The following CYFIP1 variants were observed in gnomAD, a reference collection of about 807,000 sequenced individuals.
CYFIP1 encodes the protein cytoplasmic FMR1 interacting protein 1, also known as cytoplasmic FMR1-interacting protein 1.
A neutral mutation model predicts 163.5 loss-of-function variants in CYFIP1; 58 were observed. That is an observed-to-expected ratio of 0.35 (90% CI 0.29 to 0.44). The LOEUF (loss-of-function observed/expected upper bound fraction) is 0.44. CYFIP1 is among the 20% of genes least tolerant of loss of function. The pLI, the probability that CYFIP1 is intolerant of heterozygous loss-of-function variation, is 1.00. For synonymous variants in CYFIP1, 663 were observed against 660.7 expected, an observed-to-expected ratio of 1.00 and a Z score of -0.05; for missense variants, 1,338 against 1,653.8, an observed-to-expected ratio of 0.81 and a Z score of 3.31.
At position 22,867,687 on chromosome 15, in the gene CYFIP1, A is replaced by AG. The variant is rs35420735; in HGVS notation, c.*2340_*2341insC. ...ATAGAAGACTAGGGTTGTTTCTTAA[A>AG]TTTAGCTCATGTTATAATAAAAAGT... On this transcript the variant is annotated 3_prime_UTR_variant, in exon 31 of 31. Coordinates refer to ENST00000617928, the MANE Select transcript of CYFIP1 (RefSeq NM_014608.6). 56,218 of 152,526 alleles carry AG rather than the reference A, an allele frequency of 0.37. 11,048 individuals are homozygous for AG. Among genetic ancestry groups the AG allele is most frequent in the Middle Eastern group, 0.46 (136 of 294 alleles). 9.4% of individuals were successfully genotyped at this position (152,526 alleles called of 1,614,324 possible).
In CYFIP1 at chr15:22,868,596, A is replaced by C. The variant is rs1458749646; in HGVS notation, c.*1432T>G. The C allele has an allele frequency of 6.7e-6, 1 of 148,936 alleles. No individual in the cohort carries two copies. The highest frequency in any genetic ancestry group is 1.5e-5 in the Non-Finnish European group (1 of 67,344). 9.2% of individuals were successfully genotyped at this position (148,936 alleles called of 1,614,324 possible). On this transcript the variant is annotated 3_prime_UTR_variant, in exon 31 of 31. Coordinates refer to ENST00000617928, the MANE Select transcript of CYFIP1 (RefSeq NM_014608.6). ...ACATTACCAAAAGCATTTTTAGGGA[A>C]CTTTTTATAAAGAAAGAATAATTGT...
chr15:22,959,890 C>G (rs920907904), intron 1 of CYFIP1, among the ~76,000 whole-genome samples: 3 of 152,212 alleles, frequency 2.0e-5, no homozygotes, highest in African/African-American at 7.2e-5. Flanking sequence ...CACCCAGCAT[C>G]CACACCTCCT....
In CYFIP1 at chr15:22,916,613, G is replaced by A. The variant is rs1215173375; in HGVS notation, c.1692C>T (p.Thr564=). Residue 564 remains threonine, a synonymous_variant, in exon 16 of 31, where the codon ACC becomes ACT. Transcript: ENST00000617928. ...PSSTQLYMVR[T]MLESLIADKS... Reference sequence around the variant, plus strand: ...TGTCTGCAATGAGGGACTCTAGCATGGTTCTCACCATGTAAAGCTGGATTA... The same window carrying A: ...TGTCTGCAATGAGGGACTCTAGCATAGTTCTCACCATGTAAAGCTGGATTA... 6.2e-7 allele frequency: 1 copy of A among 1,614,078 alleles called. No homozygotes were observed.
chr15:22,908,518 C>CTTTTTTTTTT lies in CYFIP1; in HGVS notation c.2388+666_2388+675dup, dbSNP rs58565266. Among the ~76,000 whole-genome samples, 28 of 75,490 alleles carry CTTTTTTTTTT rather than the reference C, an allele frequency of 3.7e-4. 3 individuals are homozygous for CTTTTTTTTTT. Among genetic ancestry groups the CTTTTTTTTTT allele is most frequent in the African/African-American group, 1.4e-3 (24 of 16,768 alleles). 49.5% of individuals were successfully genotyped at this position (75,490 alleles called of 152,430 possible). A position where few individuals can be genotyped will look rare whatever the true frequency, so the allele number is the denominator to read the frequency against. On this transcript the variant is annotated intron_variant, in intron 21 of 30. Coordinates refer to ENST00000617928, the MANE Select transcript of CYFIP1 (RefSeq NM_014608.6). ...CTCTTGGTCCCTAAAGAAGATATTT[C>CTTTTTTTTTT]TTTTTTTTTTTTTTTTTTTTTTTTT...
intron 29 of CYFIP1, 28 bp downstream of exon 29, chr15:22,873,463 C>T: frequency 6.3e-7 from 1 of 1,585,924 alleles, no homozygotes; most frequent in Non-Finnish European, 8.6e-7. Flanking sequence ...TCCTCTGGGG[C>T]TTTGTCCTGC....
At chr15:22,911,305 C>CT (rs2060780439) in intron 18 of CYFIP1, among the ~76,000 whole-genome samples, 2 of 152,128 alleles carry the variant, frequency 1.3e-5, no homozygotes, top group Non-Finnish European at 2.9e-5. Flanking sequence ...ACCAATCTTA[C>CT]TGAGGGAGAA....
chr15:22,936,481 C>A (rs557580438), intron 9 of CYFIP1, among the ~76,000 whole-genome samples: 1 of 152,238 alleles, frequency 6.6e-6, no homozygotes, highest in Admixed American at 6.5e-5. Flanking sequence ...TCAGGATATC[C>A]CCCCACCCCA....
At position 22,867,385 on chromosome 15, in the gene CYFIP1, C is replaced by CA. The variant is rs2059175613; in HGVS notation, c.*2642dup. The CA allele has an allele frequency of 7.7e-6, 3 of 388,568 alleles. No individual in the cohort carries two copies. Among genetic ancestry groups the CA allele is most frequent in the Non-Finnish European group, 1.4e-5 (3 of 220,802 alleles). The allele number at this position is 388,568 out of a possible 1,614,324, so 24.1% of individuals were successfully genotyped here. On this transcript the variant is annotated 3_prime_UTR_variant, in exon 31 of 31. Transcript: ENST00000617928. ...ACTGAATGAAGGAACCTCTTTCTTA[C>CA]AAAACAAAAAAAAGGGCAGAAATCA...
chr15:22,907,329 T>TCACAGGGGTGCCAGCGTTGG (rs766901694), intron 21 of CYFIP1, among the ~76,000 whole-genome samples: 1 of 152,278 alleles, frequency 6.6e-6, no homozygotes, highest in African/African-American at 2.4e-5. Context: ...ATTGCCTGAC[T>TCACAGGGGTGCCAGCGTTGG]CACAGGGGTG....
At chr15:22,953,851 C>T (rs528744479) in intron 1 of CYFIP1, among the ~76,000 whole-genome samples, 6 of 152,170 alleles carry the variant, frequency 3.9e-5, no homozygotes, top group East Asian at 3.9e-4. Context: ...GTCAGGAGAT[C>T]GAGACCATCC....
At chr15:22,976,263 T>G (rs1651264653) in intron 1 of CYFIP1, among the ~76,000 whole-genome samples, 1 of 152,120 alleles carries the variant, frequency 6.6e-6, no homozygotes, top group Admixed American at 6.5e-5. Flanking sequence ...GTTCAGGCGA[T>G]TCTCCTGCTT....
At chr15:22,929,294 AC>A (rs1454778915) in intron 11 of CYFIP1, among the ~76,000 whole-genome samples, 1 of 151,820 alleles carries the variant, frequency 6.6e-6, no homozygotes. Flanking sequence ...AAATCATAAA[AC>A]AATTTCTAGT....
At chr15:22,926,219 C>T (rs1033654251) in intron 12 of CYFIP1, 112 bp from the exon 13 acceptor site, 1 of 1,502,080 alleles carries the variant, frequency 6.7e-7, no homozygotes, top group Non-Finnish European at 9.1e-7. Context: ...ACCTTTGCTG[C>T]ATTCTGAAAG....
chr15:22,909,497 C>T (rs1225249630), intron 20 of CYFIP1, among the ~76,000 whole-genome samples, 184 bp from the exon 21 acceptor site: 3 of 152,076 alleles, frequency 2.0e-5, no homozygotes, highest in South Asian at 2.1e-4. Context: ...GGTGTTATGA[C>T]GATAAATAAA....
chr15:22,928,987 G>C (rs1311925897), intron 11 of CYFIP1, among the ~76,000 whole-genome samples: 1 of 151,898 alleles, frequency 6.6e-6, no homozygotes, highest in African/African-American at 2.4e-5. Context: ...GGGAGGCCGG[G>C]GCAGGTGGAT....
chr15:22,943,776 ACAT>A (rs972827160), intron 5 of CYFIP1, among the ~76,000 whole-genome samples: 4 of 152,194 alleles, frequency 2.6e-5, no homozygotes, highest in African/African-American at 7.2e-5. Flanking sequence ...TTGCTGAAGG[ACAT>A]CATCATAAAA....
At chr15:22,888,655 C>A (rs1014172422) in intron 23 of CYFIP1, among the ~76,000 whole-genome samples, 1 of 150,958 alleles carries the variant, frequency 6.6e-6, no homozygotes, top group Non-Finnish European at 1.5e-5. Context: ...TTGCTTGAGC[C>A]TGGGAGGCGG....
Position 22,912,218 on chromosome 15 carries a change from C to T in CYFIP1, c.2043G>A (p.Arg681=), listed in dbSNP as rs954799120. The change falls in exon 18 of 31, where the codon AGG becomes AGA. Residue 681 remains arginine (R), a synonymous_variant. Transcript: ENST00000617928. ...CGTCGTACAGGAACTGCTTGTTGAA[C>T]CTGGTGAGCGCGTAGTGGGCGCTGT... ...YNDSAHYALT[R]FNKQFLYDEI... 1.2e-6 allele frequency: 2 copies of T among 1,614,134 alleles called. No homozygotes were observed. Among genetic ancestry groups the T allele is most frequent in the African/African-American group, 1.3e-5 (1 of 75,058 alleles).
At chr15:22,880,097 G>T in intron 25 of CYFIP1, 54 bp from the exon 26 acceptor site, 1 of 1,607,580 alleles carries the variant, frequency 6.2e-7, no homozygotes, top group Non-Finnish European at 8.5e-7. Context: ...CCGGGCCCTA[G>T]CAGCCTGGGT....
Sources: allele counts gnomAD v4.1 joint callset (sites outside exome capture counted in the v4.1 genomes callset), GRCh38; gene constraint gnomAD v4.1.1; transcripts MANE v1.5; gene names NCBI Gene and HGNC (gene_info 2026-07-23, HGNC 2026-07-21).